IMPA2: variants seen among roughly 807,000 people sequenced by gnomAD.
IMPA2 encodes inositol monophosphatase 2, also known as IMP 2.
IMPA2 carries 32 observed loss-of-function variants against 35.1 expected under a neutral mutation model. The ratio of observed to expected loss-of-function variants is 0.91; its 90% CI spans 0.69 to 1.23. IMPA2 has a LOEUF of 1.23. Ranked by LOEUF, IMPA2 falls within the 50% of genes most tolerant of loss-of-function variation. The pLI is 0.00. For missense variants in IMPA2, 334 were observed against 387.6 expected (o/e 0.86, Z 1.16); for synonymous variants, 135 against 160.6 (o/e 0.84, Z 1.20).
intron 1 of IMPA2, 107 bp from the exon 2 acceptor site, chr18:11,998,927 CGCCCCCCCCCCCCCCCCCCA>C (rs1568029861): frequency 4.8e-4 from 4 of 8,276 alleles, no homozygotes; most frequent in Non-Finnish European, 2.3e-3. Flanking sequence ...CTGCCCCCGC[CGCCCCCCCCCCCCCCCCCCA>C]CCCAATGGCA....
chr18:12,006,318 T>G (rs873086), intron 2 of IMPA2, among the ~76,000 whole-genome samples: 13,970 of 152,302 alleles, frequency 0.092, 937 homozygotes, highest in East Asian at 0.34. Context: ...CACCAGTTCC[T>G]GAGCAGGGGC....
At chr18:12,008,827 A>G (rs1907351908) in intron 2 of IMPA2, among the ~76,000 whole-genome samples, 1 of 152,146 alleles carries the variant, frequency 6.6e-6, no homozygotes, top group South Asian at 2.1e-4. Flanking sequence ...TCAGGTTCCT[A>G]GCAGGACAGA....
chr18:11,992,099 C>T (rs577670179), intron 1 of IMPA2, among the ~76,000 whole-genome samples: 1 of 152,354 alleles, frequency 6.6e-6, no homozygotes, highest in East Asian at 1.9e-4. Flanking sequence ...CTGCCTCGGC[C>T]TCCCAGTGCT....
At chr18:11,997,921 A>G (rs772043180) in intron 1 of IMPA2, among the ~76,000 whole-genome samples, 1 of 152,174 alleles carries the variant, frequency 6.6e-6, no homozygotes. Context: ...TTATCCCAGC[A>G]CTTTTGGAGG....
intron 2 of IMPA2, among the ~76,000 whole-genome samples, chr18:12,006,440 C>A (rs72873563): frequency 0.14 from 22,015 of 152,114 alleles, 1,839 homozygotes; most frequent in African/African-American, 0.22. Context: ...GAACCAGAAG[C>A]CTGGGTTCAC....
chr18:12,023,328 T>G (rs1004593921), intron 5 of IMPA2, among the ~76,000 whole-genome samples: 13 of 152,092 alleles, frequency 8.5e-5, no homozygotes, highest in Admixed American at 6.5e-4. Flanking sequence ...TTCTCCAAGC[T>G]TGGGTTTCTC....
chr18:12,000,836 C>T (rs971358929), intron 2 of IMPA2, among the ~76,000 whole-genome samples: 1 of 150,766 alleles, frequency 6.6e-6, no homozygotes, highest in African/African-American at 2.4e-5. Context: ...AGGATGGTCT[C>T]GATCTCCTGA....
At chr18:12,001,864 G>A (rs1373580890) in intron 2 of IMPA2, among the ~76,000 whole-genome samples, 1 of 152,194 alleles carries the variant, frequency 6.6e-6, no homozygotes, top group African/African-American at 2.4e-5. Flanking sequence ...GAAATCTGGG[G>A]TTCCCAAGCT....
At chr18:12,016,948 G>T (rs1485906980) in intron 5 of IMPA2, among the ~76,000 whole-genome samples, 3 of 152,172 alleles carry the variant, frequency 2.0e-5, no homozygotes, top group African/African-American at 7.2e-5. Context: ...ATCAAGTCAT[G>T]CCCCGTTGTT....
rs149993408 is a variant in IMPA2, at chr18:12,030,673, C to T, written c.*215C>T. The T allele has an allele frequency of 2.7e-5, 15 of 558,946 alleles. No homozygotes were observed. The highest frequency in any genetic ancestry group is 4.7e-4 in the Middle Eastern group (1 of 2,116). 34.6% of individuals were successfully genotyped at this position (558,946 alleles called of 1,614,324 possible). A position where few individuals can be genotyped will look rare whatever the true frequency, so the allele number is the denominator to read the frequency against. On this transcript the variant is annotated 3_prime_UTR_variant, in exon 8 of 8. Transcript: ENST00000269159. ...TTAGCTGTTTCTCTCTTTAATCTCA[C>T]GTAGCCTTTTTCAGGTTAGTACGTG...
chr18:12,024,152 G>A (rs1374652982), intron 5 of IMPA2, among the ~76,000 whole-genome samples: 1 of 152,194 alleles, frequency 6.6e-6, no homozygotes, highest in African/African-American at 2.4e-5. Context: ...GCTGTTAAGA[G>A]TAAGATACTG....
At chr18:11,986,215 G>A (rs1419734088) in intron 1 of IMPA2, among the ~76,000 whole-genome samples, 1 of 152,226 alleles carries the variant, frequency 6.6e-6, no homozygotes, top group East Asian at 1.9e-4. Flanking sequence ...GCCTTGCGAA[G>A]TGAGCCTGTC....
At chr18:12,023,388 C>T (rs1907790843) in intron 5 of IMPA2, among the ~76,000 whole-genome samples, 1 of 152,170 alleles carries the variant, frequency 6.6e-6, no homozygotes, top group South Asian at 2.1e-4. Flanking sequence ...CTCGCACAGG[C>T]CTGTCAGGAA....
chr18:12,017,783 G>T (rs779679113), intron 5 of IMPA2: 1 of 340,926 alleles, frequency 2.9e-6, no homozygotes, highest in Non-Finnish European at 5.7e-6. Flanking sequence ...GTAGAGACGG[G>T]GTTTCACCAT....
At chr18:11,986,917 G>C (rs1906683013) in intron 1 of IMPA2, among the ~76,000 whole-genome samples, 1 of 152,236 alleles carries the variant, frequency 6.6e-6, no homozygotes, top group South Asian at 2.1e-4. Context: ...TCATGGTTCA[G>C]CCCGGCAGTG....
chr18:11,984,689 C>G (rs1047025616), intron 1 of IMPA2, among the ~76,000 whole-genome samples: 1 of 151,884 alleles, frequency 6.6e-6, no homozygotes, highest in South Asian at 2.1e-4. Context: ...AAACTGTGGC[C>G]GGGCGCGGTG....
At chr18:11,982,418 T>C (rs8087838) in intron 1 of IMPA2, among the ~76,000 whole-genome samples, 25,014 of 152,204 alleles carry the variant, frequency 0.16, 3,334 homozygotes, top group African/African-American at 0.37. Context: ...TAGCAGTGCC[T>C]GACACACCGA....
At chr18:12,027,971 T>C (rs1171701546) in intron 5 of IMPA2, 72 bp from the exon 6 acceptor site, 4 of 922,592 alleles carry the variant, frequency 4.3e-6, no homozygotes, top group Admixed American at 3.9e-5. Context: ...AAGGCTCACG[T>C]TGGAAGCCTG....
chr18:12,015,342 G>T (rs1907549033), intron 5 of IMPA2, among the ~76,000 whole-genome samples: 1 of 152,134 alleles, frequency 6.6e-6, no homozygotes, highest in Non-Finnish European at 1.5e-5. Flanking sequence ...TCCTTTCCTG[G>T]CAACCTTTCT....
Sources: gnomAD v4.1 joint callset for allele counts (sites outside exome capture counted in the v4.1 genomes callset) on GRCh38, gnomAD v4.1.1 for gene constraint, MANE v1.5 for transcripts, NCBI Gene and HGNC (gene_info 2026-07-23, HGNC 2026-07-21) for gene names.